The following FAT1 variants were observed in gnomAD, a reference collection of about 807,000 sequenced individuals.
FAT1 encodes the protein FAT atypical cadherin 1.
In FAT1, 171 loss-of-function variants were observed where a neutral mutation model predicts 329.8. That is an observed-to-expected ratio of 0.52 (90% confidence interval 0.46 to 0.59). FAT1 has a LOEUF of 0.59. Ranked by LOEUF, FAT1 falls within the 20% of genes least tolerant of loss-of-function variation. The pLI is 0.00. For synonymous variants in FAT1, 2,233 were observed against 2,228.6 expected (o/e 1.00, Z -0.06); for missense variants, 5,672 against 5,774.4 (o/e 0.98, Z 0.57).
At chr4:186,649,565 G>A (rs1366935518) in intron 3 of FAT1, among the ~76,000 whole-genome samples, 2 of 152,132 alleles carry the variant, frequency 1.3e-5, no homozygotes, top group African/African-American at 4.8e-5. Flanking sequence ...CAGAGACCCA[G>A]GGAAGAAAGG....
chr4:186,678,738 T>C (rs1256670824), intron 2 of FAT1, among the ~76,000 whole-genome samples: 1 of 151,992 alleles, frequency 6.6e-6, no homozygotes, highest in Non-Finnish European at 1.5e-5. Context: ...GCTTTTACAC[T>C]GTTGAAGGGA....
In FAT1 at chr4:186,609,800, C is replaced by CTGTGATGA; in HGVS notation, c.10068_10068+1insTCATCACA (p.Val3357SerfsTer22). ...CACTGTAATGGGGAAAAAATACACA[C>CTGTGATGA]CGTGATGACAGACTGCTCAAGAACG... is the stretch of plus-strand genomic sequence containing the variant. On this transcript the variant is annotated frameshift_variant and splice_region_variant. Coordinates refer to ENST00000441802, the MANE Select transcript of FAT1 (RefSeq NM_005245.4). LOFTEE classifies it high-confidence loss of function. The CTGTGATGA allele has an allele frequency of 1.2e-6, 2 of 1,607,064 alleles. No individual in the cohort carries two copies. The highest frequency in any genetic ancestry group is 1.7e-6 in the Non-Finnish European group (2 of 1,173,584).
intron 2 of FAT1, among the ~76,000 whole-genome samples, chr4:186,702,865 C>A (rs1242757320): frequency 6.6e-6 from 1 of 152,208 alleles, no homozygotes; most frequent in Non-Finnish European, 1.5e-5. Context: ...GCAGGCAGAC[C>A]GAACCCTGAA....
chr4:186,590,386 C>G (rs1249018368), intron 26 of FAT1: 1 of 1,289,262 alleles, frequency 7.8e-7, no homozygotes, highest in Non-Finnish European at 1.0e-6. Context: ...TTGCTGAGGT[C>G]AGGAGCAGCC....
chr4:186,589,218 A>T lies in FAT1; in HGVS notation c.13141T>A (p.Tyr4381Asn), dbSNP rs2126358255. ...FQSESCDDNG[Y>N]HWDTSDWMPS... The stretch of plus-strand genomic sequence containing the variant: ...ATCCAATCTGATGTATCCCAGTGAT[A>T]CCCTTGGTGGAAAAGAAAACAGATG... Residue 4381 changes from tyrosine (Y) to asparagine (N), a missense_variant and splice_region_variant, in exon 27 of 27, where the codon TAT (tyrosine) becomes AAT (asparagine). Transcript: ENST00000441802. 6.2e-7 allele frequency: 1 copy of T among 1,600,178 alleles called. No individual in the cohort carries two copies. The highest frequency in any genetic ancestry group is 8.5e-7 in the Non-Finnish European group (1 of 1,173,612).
chr4:186,670,809 C>T (rs897032887), intron 2 of FAT1, among the ~76,000 whole-genome samples: 1 of 152,072 alleles, frequency 6.6e-6, no homozygotes, highest in Non-Finnish European at 1.5e-5. Context: ...GAAACAGTCG[C>T]AGGCAAGAGG....
At chr4:186,637,025 C>T in intron 4 of FAT1, 111 bp from the exon 5 acceptor site, 3 of 928,130 alleles carry the variant, frequency 3.2e-6, no homozygotes, top group Non-Finnish European at 4.6e-6. Context: ...TTTTGCAGGG[C>T]ACGATGACAA....
Position 186,596,685 on chromosome 4 carries a change from G to A in FAT1, c.12855C>T (p.Ser4285=), listed in dbSNP as rs750458975. The change falls in exon 25 of 27, where the codon AGC becomes AGT. Residue 4285 remains serine, a synonymous_variant. Coordinates refer to ENST00000441802, the MANE Select transcript of FAT1 (RefSeq NM_005245.4). This position sits in a 1 kb window ranked among gnomAD's most constrained non-coding sequence, Gnocchi z 4.7. ...GSAIPEHPEF[S]TFNPESVHGH... Reference sequence around the variant, plus strand: ...CGTGCACAGACTCGGGGTTAAAAGTGCTGAATTCGGGATGCTCTGGGATAG... The same window carrying A: ...CGTGCACAGACTCGGGGTTAAAAGTACTGAATTCGGGATGCTCTGGGATAG... The A allele has an allele frequency of 6.2e-7, 1 of 1,613,110 alleles. No homozygotes were observed. The highest frequency in any genetic ancestry group is 1.3e-5 in the African/African-American group (1 of 74,918).
Position 186,664,079 on chromosome 4 carries a change from G to C in FAT1, c.3266-466C>G, listed in dbSNP as rs140274675. On this transcript the variant is annotated intron_variant, in intron 2 of 26. Coordinates refer to ENST00000441802, the MANE Select transcript of FAT1 (RefSeq NM_005245.4). ...CACCAGAGCCATGGCCCAGATCTGA[G>C]ACCCCACAGTCCAGCACCCCCGCTC... Among the ~76,000 whole-genome samples the C allele has an allele frequency of 1.3e-3, 201 of 152,148 alleles. 1 individual carries two copies. The highest frequency in any genetic ancestry group is 4.8e-3 in the African/African-American group (199 of 41,510).
Position 186,603,238 on chromosome 4 carries a change from C to CTG in FAT1, c.11286_11287dup (p.Ser3763ThrfsTer6), listed in dbSNP as rs1738908058. ...AGTCACAAAACTCAGTCTGGCTGTG[C>CTG]TGTGTGTTGACATCACACTTTCATC... On this transcript the variant is annotated frameshift_variant, in exon 19 of 27. Coordinates refer to ENST00000441802, the MANE Select transcript of FAT1 (RefSeq NM_005245.4). LOFTEE classifies it high-confidence loss of function. 6.2e-7 allele frequency: 1 copy of CTG among 1,613,688 alleles called. No homozygotes were observed.
At chr4:186,604,046 T>C in intron 18 of FAT1, 69 bp from the exon 19 acceptor site, 2 of 1,250,014 alleles carry the variant, frequency 1.6e-6, no homozygotes, top group South Asian at 1.4e-5. Context: ...ATAAAAACAT[T>C]TGTATTACTC....
At chr4:186,590,732 A>T (rs1000709351) in intron 26 of FAT1, 1 of 452,274 alleles carries the variant, frequency 2.2e-6, no homozygotes, top group Non-Finnish European at 4.4e-6. Flanking sequence ...TAATGAAAAC[A>T]AAACAAACAG....
rs1042829426 is a variant in FAT1, at chr4:186,707,693, T to A, written c.2135A>T (p.His712Leu). 1.2e-6 allele frequency: 2 copies of A among 1,613,858 alleles called. No individual in the cohort carries two copies. Among genetic ancestry groups the A allele is most frequent in the African/African-American group, 2.7e-5 (2 of 74,912 alleles). Residue 712 changes from histidine (H) to leucine (L), a missense_variant, in exon 2 of 27, where the codon CAC becomes CTC. Transcript: ENST00000441802. Reference protein sequence around the residue: ...IFFDSHSVNAHIPQFRSTLPT... With the variant: ...IFFDSHSVNALIPQFRSTLPT... ...AAGAGTGCTTCTAAACTGCGGTATG[T>A]GAGCATTGACAGAGTGAGAATCGAA...
At chr4:186,672,652 G>T (rs1414612205) in intron 2 of FAT1, among the ~76,000 whole-genome samples, 1 of 152,164 alleles carries the variant, frequency 6.6e-6, no homozygotes, top group African/African-American at 2.4e-5. Flanking sequence ...ACCCTAAGAA[G>T]TAGGTAACGT....
rs558449426 is a variant in FAT1, at chr4:186,707,463, T to G, written c.2365A>C (p.Thr789Pro). Reference sequence around the variant, plus strand: ...AGGTCATAGACGGTAATATTCAGGGTGTATTTGTCTGTTGTTTCACGGTCA... The same window carrying G: ...AGGTCATAGACGGTAATATTCAGGGGGTATTTGTCTGTTGTTTCACGGTCA... Reference protein sequence around the residue: ...PLDRETTDKYTLNITVYDLGI... With the variant: ...PLDRETTDKYPLNITVYDLGI... The change falls in exon 2 of 27, where the codon ACC becomes CCC. Residue 789 changes from threonine (T) to proline (P), a missense_variant. Physicochemically the swap from Thr to Pro is conservative, Grantham distance 38. Transcript: ENST00000441802. 2.5e-6 allele frequency: 4 copies of G among 1,613,876 alleles called. No homozygotes were observed. The East Asian group carries it at 8.9e-5, about 36-fold the overall frequency.
chr4:186,709,905 C>A (rs1319596449), intron 1 of FAT1, 60 bp from the exon 2 acceptor site: 55 of 1,416,978 alleles, frequency 3.9e-5, no homozygotes, highest in Non-Finnish European at 4.5e-5. Context: ...AAAGTGTGTA[C>A]ATTGTTTTAA....
chr4:186,643,694 A>G (rs751333732), intron 3 of FAT1, among the ~76,000 whole-genome samples: 3 of 152,098 alleles, frequency 2.0e-5, no homozygotes, highest in Non-Finnish European at 4.4e-5. Context: ...ACGCTACCCG[A>G]ACCCCCTGCA....
intron 7 of FAT1, among the ~76,000 whole-genome samples, chr4:186,630,334 A>G (rs1031826562): frequency 2.6e-5 from 4 of 152,178 alleles, no homozygotes; most frequent in Non-Finnish European, 5.9e-5. Context: ...CGTCAACGAC[A>G]TGAAGGCAAG....
At chr4:186,615,906 G>C (rs1579323753) in intron 11 of FAT1, among the ~76,000 whole-genome samples, 1 of 152,254 alleles carries the variant, frequency 6.6e-6, no homozygotes, top group African/African-American at 2.4e-5. Flanking sequence ...ATGGTCAACT[G>C]TATGTCTCAT....
Sources: gnomAD v4.1 joint callset for allele counts (sites outside exome capture counted in the v4.1 genomes callset) on GRCh38, gnomAD v4.1.1 for gene constraint, Gnocchi (gnomAD v3.1) non-coding constraint, MANE v1.5 for transcripts, NCBI Gene and HGNC (gene_info 2026-07-23, HGNC 2026-07-21) for gene names.